Variants in DPP6 observed in about 807,000 individuals in gnomAD.
DPP6 encodes A-type potassium channel modulatory protein DPP6.
A neutral mutation model predicts 122.6 loss-of-function variants in DPP6; 69 were observed. The ratio of observed to expected loss-of-function variants is 0.56; its 90% CI spans 0.46 to 0.69. DPP6 has a LOEUF of 0.69. Ranked by LOEUF, DPP6 falls within the 30% of genes least tolerant of loss-of-function variation. DPP6 has a pLI of 0.00. For synonymous variants in DPP6, 418 were observed against 433.1 expected, an observed-to-expected ratio of 0.97 and a Z score of 0.43; for missense variants, 928 against 1,116.9, an observed-to-expected ratio of 0.83 and a Z score of 2.41.
At chr7:153,974,275 A>G (rs144734844) in intron 1 of DPP6, among the ~76,000 whole-genome samples, 36,859 of 151,970 alleles carry the variant, frequency 0.24, 5,020 homozygotes, top group African/African-American at 0.35. Flanking sequence ...AGTGTGTGGC[A>G]GATGCCCGGC....
chr7:154,061,300 T>C (rs1475861956), intron 1 of DPP6, among the ~76,000 whole-genome samples: 2 of 148,756 alleles, frequency 1.3e-5, no homozygotes. Flanking sequence ...GAAAATCTTC[T>C]GGCAGCCCCA....
chr7:154,696,085 G>A (rs1840200106), intron 7 of DPP6, among the ~76,000 whole-genome samples: 1 of 152,166 alleles, frequency 6.6e-6, no homozygotes, highest in Non-Finnish European at 1.5e-5. Flanking sequence ...CTCCATGCCG[G>A]GCGCTGAACC....
intron 1 of DPP6, among the ~76,000 whole-genome samples, chr7:154,314,773 C>T (rs980407203): frequency 7.2e-5 from 11 of 152,050 alleles, no homozygotes; most frequent in African/African-American, 2.7e-4. Flanking sequence ...CCAAATCAAG[C>T]AATCCTGAGT....
rs755682742 is a variant in DPP6, at chr7:154,403,170, C to T, written c.244-43044C>T. ...CTTTGTGGTTCTAACGTGTCACCCA[C>T]GTTAGTTCCCTGGACTCAGCAGGTC... On this transcript the variant is annotated intron_variant, in intron 1 of 25. Transcript: ENST00000377770. The surrounding 1 kb of genome is among the most constrained non-coding windows in gnomAD (Gnocchi z 4.1). Among the ~76,000 whole-genome samples, 84 of 152,180 alleles carry T rather than the reference C, an allele frequency of 5.5e-4. No homozygotes were observed. Among genetic ancestry groups the T allele is most frequent in the Non-Finnish European group, 6.0e-4 (41 of 68,030 alleles).
At chr7:153,941,988 C>T (rs1801717513) in intron 1 of DPP6, among the ~76,000 whole-genome samples, 1 of 152,310 alleles carries the variant, frequency 6.6e-6, no homozygotes, top group African/African-American at 2.4e-5. Flanking sequence ...AAGCCAAGCA[C>T]CTCTGAAGCG....
rs1823830721 is a variant in DPP6 at position 154,486,728 on chromosome 7, G to A, written c.457+11691G>A. 6.6e-6 allele frequency among the ~76,000 whole-genome samples: 1 copy of A among 152,210 alleles called. No homozygotes were observed. The highest frequency in any genetic ancestry group is 6.5e-5 in the Admixed American group (1 of 15,276). ...GATGCAGCCCACTTCGCAGAGGCTGGATGCACTTCCTCCGTCTGAAAGCAG... is the reference window on the plus strand; with the variant it reads ...GATGCAGCCCACTTCGCAGAGGCTGAATGCACTTCCTCCGTCTGAAAGCAG... On this transcript the variant is annotated intron_variant, in intron 3 of 25. Coordinates refer to ENST00000377770, the MANE Select transcript of DPP6 (RefSeq NM_130797.4). The surrounding 1 kb of genome is among the most constrained non-coding windows in gnomAD (Gnocchi z 4.5).
At chr7:154,016,095 C>T (rs1439959532) in intron 1 of DPP6, among the ~76,000 whole-genome samples, 1 of 152,196 alleles carries the variant, frequency 6.6e-6, no homozygotes, top group East Asian at 1.9e-4. Context: ...AAGGCTCTCT[C>T]ATAGATCTTC....
chr7:154,330,476 G>A (rs895049976), intron 1 of DPP6, among the ~76,000 whole-genome samples: 3 of 152,184 alleles, frequency 2.0e-5, no homozygotes, highest in Admixed American at 6.5e-5. Flanking sequence ...GTGAGAGCAC[G>A]GAAAAGATGA....
intron 1 of DPP6, among the ~76,000 whole-genome samples, chr7:154,353,599 AG>A (rs987108344): frequency 3.9e-4 from 60 of 152,270 alleles, no homozygotes; most frequent in African/African-American, 1.4e-3. Context: ...GTCTGATACC[AG>A]GGTCTTTAAT....
chr7:154,534,763 G>A (rs986996973), intron 3 of DPP6, among the ~76,000 whole-genome samples: 1 of 152,062 alleles, frequency 6.6e-6, no homozygotes, highest in African/African-American at 2.4e-5. Context: ...ATTGGAATAA[G>A]CAATATTTTT....
At chr7:153,781,618 A>G in the DPP6 span, among the ~76,000 whole-genome samples, 4 of 152,110 alleles carry the variant, frequency 2.6e-5, no homozygotes, top group South Asian at 2.1e-4. Flanking sequence ...GGGAAGGTAG[A>G]TTGGCTCCCC....
chr7:154,780,919 GGATA>G (rs1190600360), intron 10 of DPP6, among the ~76,000 whole-genome samples: 2 of 152,066 alleles, frequency 1.3e-5, no homozygotes, highest in East Asian at 3.9e-4. Context: ...ATGGGTAAGG[GGATA>G]GATAGATGAA....
At chr7:153,840,847 C>A in the DPP6 span, among the ~76,000 whole-genome samples, 1 of 152,196 alleles carries the variant, frequency 6.6e-6, no homozygotes, top group Non-Finnish European at 1.5e-5. Flanking sequence ...ATAGACGTTT[C>A]CTTCCACCCC....
intron 3 of DPP6, among the ~76,000 whole-genome samples, chr7:154,484,733 ACTTGTTAGCAGAGAGCC>A (rs547964752): frequency 6.6e-6 from 1 of 152,332 alleles, no homozygotes; most frequent in Admixed American, 6.5e-5. Flanking sequence ...TAATCCAGCC[ACTTGTTAGCAGAGAGCC>A]CTCTGTGTCT....
intron 1 of DPP6, among the ~76,000 whole-genome samples, chr7:154,286,644 C>T (rs536635680): frequency 1.3e-5 from 2 of 152,072 alleles, no homozygotes; most frequent in Non-Finnish European, 2.9e-5. Context: ...CCATTCCTCT[C>T]CAGGGCCATG....
intron 17 of DPP6, among the ~76,000 whole-genome samples, chr7:154,857,842 T>C (rs1303922775): frequency 1.3e-5 from 2 of 152,158 alleles, no homozygotes; most frequent in East Asian, 1.9e-4. Context: ...ACATCAGCCT[T>C]TGGGCCTCAG....
chr7:154,205,835 C>A (rs1799418359), intron 1 of DPP6, among the ~76,000 whole-genome samples: 1 of 152,062 alleles, frequency 6.6e-6, no homozygotes, highest in Non-Finnish European at 1.5e-5. Context: ...TACTGCCAGC[C>A]ACAAAGGGGA....
intron 1 of DPP6, among the ~76,000 whole-genome samples, chr7:154,169,587 T>C (rs1173649580): frequency 6.6e-6 from 1 of 152,206 alleles, no homozygotes; most frequent in African/African-American, 2.4e-5. Flanking sequence ...GTTAAATGAA[T>C]TAATGCATTA....
Position 154,605,571 on chromosome 7 carries a change from G to A in DPP6, c.628-32250G>A, listed in dbSNP as rs570115013. On this transcript the variant is annotated intron_variant, in intron 5 of 25. Transcript: ENST00000377770. ...TCTACTAATTACATTTTCATTTTCTGTCCTTATAGTGTTTGTCCCTTTTCT... is the reference window on the plus strand; with the variant it reads ...TCTACTAATTACATTTTCATTTTCTATCCTTATAGTGTTTGTCCCTTTTCT... Among the ~76,000 whole-genome samples, 89 of 118,782 alleles carry A rather than the reference G, an allele frequency of 7.5e-4. 12 individuals are homozygous for A. Among genetic ancestry groups the A allele is most frequent in the African/African-American group, 2.3e-3 (87 of 37,674 alleles). The allele number at this position is 118,782 out of a possible 152,430, so 77.9% of individuals were successfully genotyped here.
Sources: gnomAD v4.1 joint callset for allele counts (sites outside exome capture counted in the v4.1 genomes callset) on GRCh38, gnomAD v4.1.1 for gene constraint, Gnocchi (gnomAD v3.1) non-coding constraint, MANE v1.5 for transcripts, NCBI Gene and HGNC (gene_info 2026-07-23, HGNC 2026-07-21) for gene names.